The following RASA2 variants were observed in gnomAD, a reference collection of about 807,000 sequenced individuals.
RASA2 encodes ras GTPase-activating protein 2.
In RASA2, 155 loss-of-function variants were observed where a neutral mutation model predicts 118.2. That is an observed-to-expected ratio of 1.31 (90% CI 1.15 to 1.50). The LOEUF (loss-of-function observed/expected upper bound fraction) is 1.50, where lower values mean the gene tolerates loss of function less well. RASA2 is among the 40% of genes most tolerant of loss of function. The pLI is 0.00. For synonymous variants in RASA2, 353 were observed against 349.1 expected (o/e 1.01, Z -0.12); for missense variants, 1,016 against 1,009.6 (o/e 1.01, Z -0.09).
In RASA2 at chr3:141,609,537, C is replaced by G. The variant is rs772405986; in HGVS notation, c.2329+14C>G. ...AGAAGATGGAAGGTAAATACACAAT[C>G]TATTTTTATATAACCATAATCTTTC... On this transcript the variant is annotated intron_variant, in intron 22 of 23. Transcript: ENST00000286364. 2.0e-6 allele frequency: 3 copies of G among 1,509,518 alleles called. No individual in the cohort carries two copies. Among genetic ancestry groups the G allele is most frequent in the South Asian group, 2.3e-5 (2 of 86,412 alleles). The allele number at this position is 1,509,518 out of a possible 1,614,324, so 93.5% of individuals were successfully genotyped here. A position where few individuals can be genotyped will look rare whatever the true frequency, so the allele number is the denominator to read the frequency against.
In RASA2 at chr3:141,612,380, G is replaced by A. The variant is rs2172471; in HGVS notation, c.*67G>A. The A allele has an allele frequency of 0.4, 522,874 of 1,318,174 alleles. 108,669 individuals carry two copies. Among genetic ancestry groups the A allele is most frequent in the African/African-American group, 0.68 (45,703 of 67,174 alleles). The allele number at this position is 1,318,174 out of a possible 1,614,324, so 81.7% of individuals were successfully genotyped here. On this transcript the variant is annotated 3_prime_UTR_variant, in exon 24 of 24. Coordinates refer to ENST00000286364, the MANE Select transcript of RASA2 (RefSeq NM_006506.5). ...TTCTTGGAGCTTTTCAATTCATCATGTATTTTGTTCATGGTATTTAAGAAT... is the reference window on the plus strand; with the variant it reads ...TTCTTGGAGCTTTTCAATTCATCATATATTTTGTTCATGGTATTTAAGAAT...
intron 1 of RASA2, among the ~76,000 whole-genome samples, chr3:141,500,051 T>C (rs1330593484): frequency 6.6e-6 from 1 of 152,264 alleles, no homozygotes; most frequent in Admixed American, 6.5e-5. Flanking sequence ...GTGGTAGATA[T>C]TCCAGCAGTC....
chr3:141,573,119 ATC>A (rs2151131389), intron 12 of RASA2, 26 bp from the exon 13 acceptor site: 1 of 1,527,750 alleles, frequency 6.5e-7, no homozygotes, highest in East Asian at 2.4e-5. Flanking sequence ...TTAGAAAAAA[ATC>A]ATTAACTGAA....
At position 141,570,938 on chromosome 3, in the gene RASA2, G is replaced by A. The variant is rs769511455; in HGVS notation, c.890G>A (p.Gly297Glu). The A allele has an allele frequency of 8.1e-6, 13 of 1,608,960 alleles. No individual in the cohort carries two copies. The highest frequency in any genetic ancestry group is 1.1e-5 in the Non-Finnish European group (13 of 1,178,256). ...AWYLLQPRDNGNKSSKTDDLG... is the reference protein window; with the variant it reads ...AWYLLQPRDNENKSSKTDDLG... Reference sequence around the variant, plus strand: ...TACTTGCTACAGCCAAGAGACAATGGAAACAAGTCATCCAAAACTGATGAC... The same window carrying A: ...TACTTGCTACAGCCAAGAGACAATGAAAACAAGTCATCCAAAACTGATGAC... The change falls in exon 10 of 24, where the codon GGA becomes GAA. Residue 297 changes from glycine to glutamate, a missense_variant. This residue lies in a region of RASA2 where 896 missense variants were observed against 836.4 expected (regional missense o/e 1.07). Transcript: ENST00000286364.
chr3:141,558,844 A>AT (rs772910072), intron 7 of RASA2, 42 bp from the exon 8 acceptor site: 31 of 1,425,530 alleles, frequency 2.2e-5, no homozygotes, highest in Middle Eastern at 2.1e-4. Flanking sequence ...GGAAAAATGT[A>AT]TTTTTTTAAA....
chr3:141,551,497 C>T (rs978679310), intron 5 of RASA2, among the ~76,000 whole-genome samples: 2 of 152,168 alleles, frequency 1.3e-5, no homozygotes, highest in Non-Finnish European at 2.9e-5. Context: ...CTTGTAGCTC[C>T]CTGGAGGTTT....
At chr3:141,603,079 G>T (rs1030672757) in intron 19 of RASA2, among the ~76,000 whole-genome samples, 6 of 152,288 alleles carry the variant, frequency 3.9e-5, no homozygotes, top group Non-Finnish European at 7.4e-5. Context: ...ACCCTATGCG[G>T]TTTTTCATGA....
intron 1 of RASA2, among the ~76,000 whole-genome samples, chr3:141,509,582 C>T (rs1389361587): frequency 2.0e-5 from 3 of 151,972 alleles, no homozygotes; most frequent in Non-Finnish European, 4.4e-5. Context: ...TATATTGCGA[C>T]CTAGTTGGAC....
At chr3:141,573,344 C>T in intron 13 of RASA2, 123 bp downstream of exon 13, 1 of 1,028,050 alleles carries the variant, frequency 9.7e-7, no homozygotes, top group African/African-American at 1.7e-5. Context: ...TTCACATAAG[C>T]CTTTATTATT....
chr3:141,612,356 T>C lies in RASA2; in HGVS notation c.*43T>C. 1.4e-6 allele frequency: 2 copies of C among 1,480,204 alleles called. No homozygotes were observed. Among genetic ancestry groups the C allele is most frequent in the Non-Finnish European group, 1.9e-6 (2 of 1,080,432 alleles). The allele number at this position is 1,480,204 out of a possible 1,614,324, so 91.7% of individuals were successfully genotyped here. ...CAGAAGAACTGGAAAATATTATTTT[T>C]CTTGGAGCTTTTCAATTCATCATGT... is the stretch of plus-strand genomic sequence containing the variant. On this transcript the variant is annotated 3_prime_UTR_variant, in exon 24 of 24. Transcript: ENST00000286364.
intron 19 of RASA2, among the ~76,000 whole-genome samples, chr3:141,592,426 A>G (rs2083299785): frequency 6.6e-6 from 1 of 152,242 alleles, no homozygotes; most frequent in Admixed American, 6.5e-5. Flanking sequence ...AAAAGATCAT[A>G]GAAGTGCTAG....
chr3:141,540,559 G>T lies in RASA2; in HGVS notation c.477G>T (p.Leu159=). Reference sequence around the variant, plus strand: ...GTAAAGTTCACCTTGAATTAAAACTGAATGAACTGATAACGGAGAATGGAA... The same window carrying T: ...GTAAAGTTCACCTTGAATTAAAACTTAATGAACTGATAACGGAGAATGGAA... ...VQGKVHLELK[L]NELITENGTV... Residue 159 remains leucine (L), a synonymous_variant, in exon 5 of 24, where the codon CTG becomes CTT. Transcript: ENST00000286364. 6.2e-7 allele frequency: 1 copy of T among 1,612,776 alleles called. No homozygotes were observed. Among genetic ancestry groups the T allele is most frequent in the Non-Finnish European group, 8.5e-7 (1 of 1,179,144 alleles).
chr3:141,493,628 T>C (rs757271292), intron 1 of RASA2, among the ~76,000 whole-genome samples: 8 of 152,184 alleles, frequency 5.3e-5, no homozygotes, highest in Non-Finnish European at 1.2e-4. Context: ...AGTAGAAAGG[T>C]TGGTATAGTT....
At position 141,576,992 on chromosome 3, in the gene RASA2, T is replaced by C. The variant is rs1234756605; in HGVS notation, c.1484-8T>C. ...TGTGCATGACATTTCACCATTTTTT[T>C]CCTGCAGATGACCCTCATGTTCAGT... On this transcript the variant is annotated splice_polypyrimidine_tract_variant and splice_region_variant and intron_variant, in intron 14 of 23. Coordinates refer to ENST00000286364, the MANE Select transcript of RASA2 (RefSeq NM_006506.5). The C allele has an allele frequency of 2.6e-6, 4 of 1,549,778 alleles. No homozygotes were observed. Among genetic ancestry groups the C allele is most frequent in the Non-Finnish European group, 8.8e-7 (1 of 1,141,768 alleles).
intron 1 of RASA2, among the ~76,000 whole-genome samples, chr3:141,500,995 T>C (rs1057247004): frequency 2.6e-5 from 4 of 152,170 alleles, no homozygotes; most frequent in Admixed American, 2.0e-4. Flanking sequence ...ATTATTATGA[T>C]TTAGTAAGAT....
chr3:141,570,592 A>AT (rs992090240), intron 9 of RASA2, among the ~76,000 whole-genome samples: 2 of 152,186 alleles, frequency 1.3e-5, no homozygotes, highest in African/African-American at 2.4e-5. Flanking sequence ...AATACATTGG[A>AT]TTTTAAATGT....
At chr3:141,587,740 A>G (rs936437428) in intron 19 of RASA2, among the ~76,000 whole-genome samples, 1 of 149,780 alleles carries the variant, frequency 6.7e-6, no homozygotes, top group African/African-American at 2.5e-5. Context: ...AAAAGGAATT[A>G]TCCACAGAAG....
intron 20 of RASA2, 108 bp from the exon 21 acceptor site, chr3:141,608,381 T>C: frequency 9.7e-7 from 1 of 1,032,796 alleles, no homozygotes; most frequent in Non-Finnish European, 1.5e-6. Flanking sequence ...TTAGCACCAG[T>C]TATCTAGCCA....
chr3:141,529,851 T>TA (rs1387784594), intron 4 of RASA2, 49 bp downstream of exon 4: 8 of 1,397,760 alleles, frequency 5.7e-6, no homozygotes, highest in Non-Finnish European at 8.0e-6. Context: ...AGGAAATGAG[T>TA]AAAAAATGAA....
Sources: allele counts gnomAD v4.1 joint callset (sites outside exome capture counted in the v4.1 genomes callset), GRCh38; gene constraint gnomAD v4.1.1; regional missense constraint gnomAD v4.1.1; transcripts MANE v1.5; gene names NCBI Gene and HGNC (gene_info 2026-07-23, HGNC 2026-07-21).